The following EPHA4 variants were observed in gnomAD, a reference collection of about 807,000 sequenced individuals.
EPHA4 encodes EPH receptor A4.
In EPHA4, 19 loss-of-function variants were observed where a neutral mutation model predicts 108.3. The observed-to-expected ratio is 0.18, with a 90% CI of 0.12 to 0.26. The LOEUF (loss-of-function observed/expected upper bound fraction) is 0.26. Ranked by LOEUF, EPHA4 falls within the 10% of genes least tolerant of loss-of-function variation. The probability of loss-of-function intolerance (pLI) is 1.00; values close to 1 mark genes in which losing one functional copy is unlikely to be tolerated. For missense variants in EPHA4, 917 were observed against 1,254.0 expected, an observed-to-expected ratio of 0.73 and a Z score of 4.06; for synonymous variants, 449 against 455.5, an observed-to-expected ratio of 0.99 and a Z score of 0.18.
At position 221,468,246 on chromosome 2, in the gene EPHA4, C is replaced by T. The variant is rs138783116; in HGVS notation, c.1319-10256G>A. 5.9e-3 allele frequency among the ~76,000 whole-genome samples: 892 copies of T among 151,056 alleles called. 12 individuals are homozygous for T. The highest frequency in any genetic ancestry group is 0.02 in the African/African-American group (833 of 41,232). ...GGAAGATCAGAGGAAAAAAAAAAGGCCCCCCAAAATTATTTTTTAAACAAA... is the reference window on the plus strand; with the variant it reads ...GGAAGATCAGAGGAAAAAAAAAAGGTCCCCCAAAATTATTTTTTAAACAAA... On this transcript the variant is annotated intron_variant, in intron 5 of 17. Transcript: ENST00000281821.
chr2:221,426,845 G>A (rs534454283), intron 15 of EPHA4, among the ~76,000 whole-genome samples: 6 of 152,208 alleles, frequency 3.9e-5, no homozygotes, highest in East Asian at 1.9e-4. Flanking sequence ...TATTTCCTGC[G>A]CTTGTTTTAT....
At chr2:221,474,698 A>G (rs1333891958) in intron 5 of EPHA4, among the ~76,000 whole-genome samples, 2 of 152,162 alleles carry the variant, frequency 1.3e-5, no homozygotes, top group Non-Finnish European at 2.9e-5. Flanking sequence ...TGTTTGAAGG[A>G]TTTTAAAATG....
intron 10 of EPHA4, 43 bp from the exon 11 acceptor site, chr2:221,443,057 TCAAGA>T: frequency 6.5e-7 from 1 of 1,549,408 alleles, no homozygotes; most frequent in Non-Finnish European, 8.8e-7. Context: ...AGAAACACAT[TCAAGA>T]TGAAAGAATA....
chr2:221,515,734 T>C (rs1692969495), intron 3 of EPHA4, among the ~76,000 whole-genome samples: 1 of 152,096 alleles, frequency 6.6e-6, no homozygotes. Flanking sequence ...GGAGGATCCT[T>C]TGAGCCCAGG....
intron 4 of EPHA4, among the ~76,000 whole-genome samples, chr2:221,498,061 G>A (rs1023593540): frequency 1.8e-4 from 28 of 152,140 alleles, no homozygotes; most frequent in African/African-American, 6.5e-4. Context: ...TACATCAAAT[G>A]TTCCAGCAAC....
chr2:221,425,944 A>C lies in EPHA4; in HGVS notation c.*84T>G. 1 of 1,100,276 alleles carries C rather than the reference A, an allele frequency of 9.1e-7. No homozygotes were observed. Among genetic ancestry groups the C allele is most frequent in the Non-Finnish European group, 1.4e-6 (1 of 726,188 alleles). The allele number at this position is 1,100,276 out of a possible 1,614,324, so 68.2% of individuals were successfully genotyped here. A position where few individuals can be genotyped will look rare whatever the true frequency, so the allele number is the denominator to read the frequency against. ...TCTTTAATTTCAGAGGGCGAAGACG[A>C]AGTAAAAAAAGTGCAGTTCTTCAAT... On this transcript the variant is annotated 3_prime_UTR_variant, in exon 17 of 18. Transcript: ENST00000281821.
chr2:221,475,390 A>T (rs1375177639), intron 5 of EPHA4, among the ~76,000 whole-genome samples: 2 of 152,186 alleles, frequency 1.3e-5, no homozygotes, highest in Non-Finnish European at 2.9e-5. Flanking sequence ...CTGAGTCAAA[A>T]CCTTTACAAA....
In EPHA4 at chr2:221,465,309, C is replaced by T. The variant is rs1047568959; in HGVS notation, c.1319-7319G>A. 5.9e-5 allele frequency among the ~76,000 whole-genome samples: 9 copies of T among 152,232 alleles called. No individual in the cohort carries two copies. In the South Asian group the frequency reaches 6.2e-4, roughly 11 times the overall value. On this transcript the variant is annotated intron_variant, in intron 5 of 17. Coordinates refer to ENST00000281821, the MANE Select transcript of EPHA4 (RefSeq NM_004438.5). The stretch of plus-strand genomic sequence containing the variant: ...TAATAGAAGACGAAAATTTTATAAG[C>T]CTTTTTTATTTCCCAGATAGATGGG...
chr2:221,432,695 T>A (rs2106095047), intron 14 of EPHA4, among the ~76,000 whole-genome samples: 1 of 151,444 alleles, frequency 6.6e-6, no homozygotes, highest in African/African-American at 2.4e-5. Flanking sequence ...CCAGGCTGAA[T>A]TACAGTGGTG....
chr2:221,522,735 CTATTATTATTATTAT>C (rs6147191), intron 3 of EPHA4, among the ~76,000 whole-genome samples: 58 of 148,716 alleles, frequency 3.9e-4, no homozygotes, highest in East Asian at 1.8e-3. Flanking sequence ...AAATAAAATC[CTATTATTATTATTAT>C]TATTATTATT....
At chr2:221,451,600 A>G (rs1454703515) in intron 8 of EPHA4, among the ~76,000 whole-genome samples, 4 of 152,208 alleles carry the variant, frequency 2.6e-5, no homozygotes, top group Non-Finnish European at 5.9e-5. Flanking sequence ...TAGGTACAAG[A>G]AGTGTTCTGC....
chr2:221,513,474 A>G (rs1692892649), intron 3 of EPHA4, among the ~76,000 whole-genome samples: 1 of 152,240 alleles, frequency 6.6e-6, no homozygotes, highest in Non-Finnish European at 1.5e-5. Flanking sequence ...CTGCAGTAAT[A>G]AGTGCTCAGT....
At chr2:221,488,634 G>T (rs561807129) in intron 4 of EPHA4, among the ~76,000 whole-genome samples, 2 of 152,298 alleles carry the variant, frequency 1.3e-5, no homozygotes, top group South Asian at 4.1e-4. Context: ...TCAGTTGACA[G>T]GAGTTTGACA....
intron 8 of EPHA4, among the ~76,000 whole-genome samples, chr2:221,453,631 CTA>C (rs1363391291): frequency 2.0e-5 from 3 of 152,018 alleles, no homozygotes; most frequent in Non-Finnish European, 4.4e-5. Flanking sequence ...ATGCCAATGT[CTA>C]TATGTTTTTG....
intron 5 of EPHA4, among the ~76,000 whole-genome samples, chr2:221,463,158 A>T (rs998141864): frequency 6.6e-6 from 1 of 152,216 alleles, no homozygotes; most frequent in African/African-American, 2.4e-5. Context: ...GGCGAGCAGC[A>T]TTATTAGGAA....
chr2:221,425,907 T>C lies in EPHA4; in HGVS notation c.*121A>G. Reference sequence around the variant, plus strand: ...CCAAGCAACGCTGCAGATATTGTTTTTTTTTTTCATTTCTTTAATTTCAGA... The same window carrying C: ...CCAAGCAACGCTGCAGATATTGTTTCTTTTTTTCATTTCTTTAATTTCAGA... On this transcript the variant is annotated 3_prime_UTR_variant, in exon 17 of 18. Coordinates refer to ENST00000281821, the MANE Select transcript of EPHA4 (RefSeq NM_004438.5). 1.2e-6 allele frequency: 1 copy of C among 843,574 alleles called. No homozygotes were observed. Among genetic ancestry groups the C allele is most frequent in the Non-Finnish European group, 1.9e-6 (1 of 517,842 alleles). The allele number at this position is 843,574 out of a possible 1,614,324, so 52.3% of individuals were successfully genotyped here. A position where few individuals can be genotyped will look rare whatever the true frequency, so the allele number is the denominator to read the frequency against.
intron 5 of EPHA4, among the ~76,000 whole-genome samples, chr2:221,479,574 T>A (rs1187033100): frequency 6.6e-6 from 1 of 152,242 alleles, no homozygotes; most frequent in African/African-American, 2.4e-5. Flanking sequence ...CAATTGCAAT[T>A]AGAACATAAT....
intron 5 of EPHA4, among the ~76,000 whole-genome samples, chr2:221,472,469 A>G (rs879751696): frequency 5.3e-5 from 8 of 152,090 alleles, no homozygotes; most frequent in East Asian, 1.9e-4. Flanking sequence ...CTGTGAGTCT[A>G]TTGGTGGCAG....
chr2:221,566,969 G>GAAGAAGAAGAAGAAGAAGAAGAA lies in EPHA4; in HGVS notation c.159+1748_159+1749insTTCTTCTTCTTCTTCTTCTTCTT. Among the ~76,000 whole-genome samples the GAAGAAGAAGAAGAAGAAGAAGAA allele has an allele frequency of 5.8e-4, 16 of 27,644 alleles. 3 individuals are homozygous for GAAGAAGAAGAAGAAGAAGAAGAA. The highest frequency in any genetic ancestry group is 1.1e-3 in the East Asian group (1 of 920). 18.1% of individuals were successfully genotyped at this position (27,644 alleles called of 152,430 possible). Reference sequence around the variant, plus strand: ...GAGAAGGAGAAGGGGAAGAGGAAGAGGAAGAAGAAGAAGAAGAAGAAGAAG... The same window carrying GAAGAAGAAGAAGAAGAAGAAGAA: ...GAGAAGGAGAAGGGGAAGAGGAAGAGAAGAAGAAGAAGAAGAAGAAGAAGAAGAAGAAGAAGAAGAAGAAGAAG... On this transcript the variant is annotated intron_variant, in intron 2 of 17. Transcript: ENST00000281821.
Sources: gnomAD v4.1 joint callset for allele counts (sites outside exome capture counted in the v4.1 genomes callset) on GRCh38, gnomAD v4.1.1 for gene constraint, MANE v1.5 for transcripts, NCBI Gene and HGNC (gene_info 2026-07-23, HGNC 2026-07-21) for gene names.